Variants in PGPEP1 observed in about 807,000 individuals in gnomAD.
The protein encoded by PGPEP1 is pyroglutamyl-peptidase 1.
Under a neutral mutation model 24.1 loss-of-function variants are expected in PGPEP1, and 15 were observed. That is an observed-to-expected ratio of 0.62 (90% confidence interval 0.42 to 0.96). PGPEP1 has a LOEUF of 0.96. Ranked by LOEUF, PGPEP1 falls within the 40% of genes least tolerant of loss-of-function variation. The probability of loss-of-function intolerance (pLI) is 0.00; values close to 1 mark genes in which losing one functional copy is unlikely to be tolerated. For synonymous variants in PGPEP1, 122 were observed against 116.4 expected (o/e 1.05, Z -0.31); for missense variants, 242 against 273.4 (o/e 0.89, Z 0.81).
chr19:18,353,609 G>A (rs1425363893), intron 2 of PGPEP1, among the ~76,000 whole-genome samples: 4 of 152,020 alleles, frequency 2.6e-5, no homozygotes, highest in Non-Finnish European at 5.9e-5. Context: ...TCCATCACCC[G>A]AAAAGGAGAC....
In PGPEP1 at chr19:18,363,612, C is replaced by T. The variant is rs1262926404; in HGVS notation, c.*29C>T. 8 of 1,573,266 alleles carry T rather than the reference C, an allele frequency of 5.1e-6. No homozygotes were observed. Among genetic ancestry groups the T allele is most frequent in the African/African-American group, 2.7e-5 (2 of 74,210 alleles). On this transcript the variant is annotated 3_prime_UTR_variant, in exon 5 of 5. Transcript: ENST00000269919. Reference sequence around the variant, plus strand: ...ACGCTCAGGTCTCCTAAGACCTCATCCTGCTGGGGACCCCACGAGGGGACA... The same window carrying T: ...ACGCTCAGGTCTCCTAAGACCTCATTCTGCTGGGGACCCCACGAGGGGACA...
At chr19:18,358,604 T>G (rs182893284) in intron 4 of PGPEP1, among the ~76,000 whole-genome samples, 2 of 149,872 alleles carry the variant, frequency 1.3e-5, no homozygotes, top group East Asian at 2.0e-4. Context: ...AGATCCTCTT[T>G]CCAAATAAGG....
intron 2 of PGPEP1, among the ~76,000 whole-genome samples, chr19:18,345,557 TAAA>T (rs548430287): frequency 2.2e-5 from 3 of 138,418 alleles, no homozygotes; most frequent in Non-Finnish European, 1.6e-5. Context: ...ACCCCATCTC[TAAA>T]AAAAAAAAAA....
At chr19:18,340,763 C>G in intron 1 of PGPEP1, 48 bp downstream of exon 1, 3 of 1,363,056 alleles carry the variant, frequency 2.2e-6, no homozygotes, top group South Asian at 1.6e-5. Flanking sequence ...GGGGCAGAGG[C>G]GGGGGCGGCT....
chr19:18,359,838 G>A (rs977514607), intron 4 of PGPEP1, among the ~76,000 whole-genome samples: 4 of 151,532 alleles, frequency 2.6e-5, no homozygotes, highest in Non-Finnish European at 5.9e-5. Flanking sequence ...ATTCCAACAC[G>A]AGTCACCTCC....
chr19:18,364,104 C>CTTTCTTTTT lies in PGPEP1; in HGVS notation c.*528_*529insTTTTTCTTT, dbSNP rs1242143706. The CTTTCTTTTT allele has an allele frequency of 7.1e-6, 1 of 140,222 alleles. No individual in the cohort carries two copies. The highest frequency in any genetic ancestry group is 2.8e-5 in the African/African-American group (1 of 35,200). The allele number at this position is 140,222 out of a possible 1,614,324, so 8.7% of individuals were successfully genotyped here. On this transcript the variant is annotated 3_prime_UTR_variant, in exon 5 of 5. Transcript: ENST00000269919. ...GCTGGCTTTCTTTCTTTCTTTCTTT[C>CTTTCTTTTT]TTTCTTTCTTGCTTTCTTTCTTTCT...
At chr19:18,363,033 T>TTTTGTGTG (rs375117395) in intron 4 of PGPEP1, among the ~76,000 whole-genome samples, 1 of 136,686 alleles carries the variant, frequency 7.3e-6, no homozygotes, top group Non-Finnish European at 1.6e-5. Flanking sequence ...TTTTTTTTGT[T>TTTTGTGTG]TGTGTGTGTG....
chr19:18,350,710 A>G (rs982440248), intron 2 of PGPEP1, among the ~76,000 whole-genome samples: 3 of 152,246 alleles, frequency 2.0e-5, no homozygotes, highest in Admixed American at 2.0e-4. Flanking sequence ...ATCTCCGTAT[A>G]GTAATGTAGA....
rs1393232165 is a variant in PGPEP1 at position 18,369,228 on chromosome 19, G to C, written c.*5645G>C. The C allele has an allele frequency of 6.6e-6, 1 of 152,282 alleles. No individual in the cohort carries two copies. Among genetic ancestry groups the C allele is most frequent in the African/African-American group, 2.4e-5 (1 of 41,438 alleles). 9.4% of individuals were successfully genotyped at this position (152,282 alleles called of 1,614,324 possible). A position where few individuals can be genotyped will look rare whatever the true frequency, so the allele number is the denominator to read the frequency against. On this transcript the variant is annotated 3_prime_UTR_variant, in exon 5 of 5. Transcript: ENST00000269919. ...GGACAGTTGTCACAAGCTGAGTGGG[G>C]GGGGACTCCCAGGACTTGAGGGACC...
At chr19:18,343,002 A>T (rs958670123) in intron 2 of PGPEP1, 91 bp downstream of exon 2, 7 of 952,014 alleles carry the variant, frequency 7.4e-6, no homozygotes, top group Non-Finnish European at 1.1e-5. Flanking sequence ...TTTAACAAAA[A>T]CTTTTTTTTT....
chr19:18,360,691 A>AT lies in PGPEP1; in HGVS notation c.438-2695dup, dbSNP rs1485073739. 7.9e-5 allele frequency among the ~76,000 whole-genome samples: 12 copies of AT among 151,656 alleles called. No homozygotes were observed. The East Asian group carries it at 2.3e-3, about 29-fold the overall frequency. On this transcript the variant is annotated intron_variant, in intron 4 of 4. Transcript: ENST00000269919. ...AGGTGCCCATCACCACACCCAGCTA[A>AT]TTTTTGTATTTTTAGTAGAGATAGG...
In PGPEP1 at chr19:18,357,393, A is replaced by G. The variant is rs1270763897; in HGVS notation, c.215A>G (p.His72Arg). ...CCTGTCTGTGTGCAGCTGGTGGTGC[A>G]TGTGGGGGTGTCAGGCATGGCGACC... ...WEKHSPQLVV[H>R]VGVSGMATTV... The change falls in exon 4 of 5, where the codon CAT becomes CGT. Residue 72 changes from histidine to arginine, a missense_variant. His to Arg is a conservative substitution (Grantham distance 29). Coordinates refer to ENST00000269919, the MANE Select transcript of PGPEP1 (RefSeq NM_017712.4). 1 of 1,613,362 alleles carries G rather than the reference A, an allele frequency of 6.2e-7. No homozygotes were observed. Among genetic ancestry groups the G allele is most frequent in the South Asian group, 1.1e-5 (1 of 90,994 alleles).
chr19:18,346,254 C>G (rs1970841784), intron 2 of PGPEP1, among the ~76,000 whole-genome samples: 1 of 152,134 alleles, frequency 6.6e-6, no homozygotes, highest in Admixed American at 6.6e-5. Context: ...TGGTTCCTTC[C>G]TGTCCTGGAT....
At chr19:18,351,213 T>C (rs1161896565) in intron 2 of PGPEP1, among the ~76,000 whole-genome samples, 1 of 137,402 alleles carries the variant, frequency 7.3e-6, no homozygotes, top group Non-Finnish European at 1.6e-5. Context: ...TGCAGTGAGC[T>C]CAGATCGCGC....
intron 2 of PGPEP1, among the ~76,000 whole-genome samples, chr19:18,354,195 A>G (rs767903992): frequency 1.3e-5 from 2 of 152,060 alleles, no homozygotes; most frequent in Non-Finnish European, 2.9e-5. Flanking sequence ...AGATCATAGC[A>G]CTGCGCTCCA....
rs1971634883 is a variant in PGPEP1 at position 18,369,124 on chromosome 19, C to T, written c.*5541C>T. The T allele has an allele frequency of 6.6e-6, 1 of 152,294 alleles. No individual in the cohort carries two copies. Among genetic ancestry groups the T allele is most frequent in the African/African-American group, 2.4e-5 (1 of 41,434 alleles). The allele number at this position is 152,294 out of a possible 1,614,324, so 9.4% of individuals were successfully genotyped here. On this transcript the variant is annotated 3_prime_UTR_variant, in exon 5 of 5. Transcript: ENST00000269919. Reference sequence around the variant, plus strand: ...ATGGCTGTTGAGGGGCAGGCGCTGCCCAGTGCCCACGTCTGGAAAGCTAAT... The same window carrying T: ...ATGGCTGTTGAGGGGCAGGCGCTGCTCAGTGCCCACGTCTGGAAAGCTAAT...
rs190843867 is a variant in PGPEP1, at chr19:18,346,219, G to A, written c.87+3308G>A. On this transcript the variant is annotated intron_variant, in intron 2 of 4. Transcript: ENST00000269919. ...CAGCTTCCAGGTGCCACACCTCTGC[G>A]AGAACCGCCCCTGGAGTTGCTGCTT... is the stretch of plus-strand genomic sequence containing the variant. Among the ~76,000 whole-genome samples, 15 of 152,234 alleles carry A rather than the reference G, an allele frequency of 9.9e-5. No homozygotes were observed. In the East Asian group the frequency reaches 2.9e-3, roughly 29 times the overall value.
chr19:18,351,101 G>A (rs1437305647), intron 2 of PGPEP1, among the ~76,000 whole-genome samples: 7 of 152,016 alleles, frequency 4.6e-5, no homozygotes, highest in African/African-American at 7.2e-5. Context: ...GTGAAACCCC[G>A]TCTCTACTAA....
intron 2 of PGPEP1, among the ~76,000 whole-genome samples, chr19:18,355,381 C>G (rs188366847): frequency 6.6e-6 from 1 of 152,262 alleles, no homozygotes; most frequent in Non-Finnish European, 1.5e-5. Flanking sequence ...CTGCCTCAGC[C>G]TCCTAAGTAG....
Sources: allele counts gnomAD v4.1 joint callset (sites outside exome capture counted in the v4.1 genomes callset), GRCh38; gene constraint gnomAD v4.1.1; transcripts MANE v1.5; gene names NCBI Gene and HGNC (gene_info 2026-07-23, HGNC 2026-07-21).